CA5A: variants seen among roughly 807,000 people sequenced by gnomAD.
The protein encoded by CA5A is carbonic anhydrase 5A, mitochondrial.
In CA5A, 28 loss-of-function variants were observed where a neutral mutation model predicts 37.1. The ratio of observed to expected loss-of-function variants is 0.75; its 90% CI spans 0.56 to 1.03. The LOEUF (loss-of-function observed/expected upper bound fraction) is 1.03. Ranked by LOEUF, CA5A falls within the 50% of genes least tolerant of loss-of-function variation. The pLI, the probability that CA5A is intolerant of heterozygous loss-of-function variation, is 0.00. For synonymous variants in CA5A, 171 were observed against 158.4 expected, an observed-to-expected ratio of 1.08 and a Z score of -0.60; for missense variants, 444 against 399.9, an observed-to-expected ratio of 1.11 and a Z score of -0.94.
At chr16:87,908,389 G>A (rs184565636) in intron 2 of CA5A, among the ~76,000 whole-genome samples, 50 of 152,286 alleles carry the variant, frequency 3.3e-4, no homozygotes, top group East Asian at 5.8e-4. Flanking sequence ...TGGTGATTGC[G>A]CATCGCACAC....
chr16:87,895,253 A>G (rs1485830408), intron 5 of CA5A, among the ~76,000 whole-genome samples: 4 of 151,052 alleles, frequency 2.6e-5, no homozygotes, highest in Admixed American at 1.3e-4. Context: ...CTTTCTTAAA[A>G]TAAGTAAATA....
intron 6 of CA5A, among the ~76,000 whole-genome samples, chr16:87,891,593 A>G (rs1164819509): frequency 6.6e-6 from 1 of 152,190 alleles, no homozygotes; most frequent in South Asian, 2.1e-4. Context: ...TGCTCAGGAC[A>G]TGCTTGCTGT....
At chr16:87,912,432 A>G (rs932734702) in intron 2 of CA5A, among the ~76,000 whole-genome samples, 2 of 152,244 alleles carry the variant, frequency 1.3e-5, no homozygotes, top group African/African-American at 4.8e-5. Flanking sequence ...CTGCACGTAA[A>G]GACGTCGAAA....
intron 1 of CA5A, among the ~76,000 whole-genome samples, chr16:87,930,140 T>C (rs1169653847): frequency 6.6e-6 from 1 of 152,148 alleles, no homozygotes; most frequent in Non-Finnish European, 1.5e-5. Context: ...CTGCTGTCTG[T>C]CTCATAACCA....
At chr16:87,930,203 G>C (rs762595526) in intron 1 of CA5A, among the ~76,000 whole-genome samples, 14 of 152,082 alleles carry the variant, frequency 9.2e-5, no homozygotes, top group African/African-American at 3.4e-4. Context: ...CCCGTGCTCC[G>C]ACAGCATCTG....
intron 1 of CA5A, among the ~76,000 whole-genome samples, chr16:87,931,873 C>G (rs2056410883): frequency 6.6e-6 from 1 of 152,040 alleles, no homozygotes; most frequent in Non-Finnish European, 1.5e-5. Flanking sequence ...GTCTGTGTGT[C>G]CTTTGTCCCA....
At chr16:87,913,305 C>CTTTTA (rs2056079126) in intron 2 of CA5A, among the ~76,000 whole-genome samples, 1 of 133,316 alleles carries the variant, frequency 7.5e-6, no homozygotes, top group Non-Finnish European at 1.5e-5. Flanking sequence ...ATGTTCCAGT[C>CTTTTA]TTTTTTTTTT....
intron 2 of CA5A, chr16:87,923,522 C>G: frequency 1.0e-6 from 1 of 984,194 alleles, no homozygotes; most frequent in African/African-American, 1.7e-5. Flanking sequence ...GTCCACATAC[C>G]TTCCTCCTTC....
intron 5 of CA5A, chr16:87,892,887 C>A (rs1300220958): frequency 4.5e-6 from 2 of 448,234 alleles, no homozygotes; most frequent in Non-Finnish European, 8.0e-6. Flanking sequence ...AACTCCTGAC[C>A]TCGGATGATC....
intron 2 of CA5A, among the ~76,000 whole-genome samples, chr16:87,920,644 A>C (rs1478213018): frequency 1.4e-5 from 2 of 146,256 alleles, no homozygotes; most frequent in Non-Finnish European, 3.0e-5. Context: ...TTGAAACTAA[A>C]TCTCACTTTG....
intron 2 of CA5A, among the ~76,000 whole-genome samples, chr16:87,907,520 C>T (rs569492290): frequency 4.6e-5 from 7 of 152,210 alleles, no homozygotes; most frequent in South Asian, 2.1e-4. Flanking sequence ...ATAGAAATGC[C>T]TAGAAGGCAG....
chr16:87,908,940 C>T (rs2074845413), intron 2 of CA5A, among the ~76,000 whole-genome samples: 1 of 152,056 alleles, frequency 6.6e-6, no homozygotes, highest in South Asian at 2.1e-4. Context: ...CTCACTGCCT[C>T]AGCCTCCCAA....
chr16:87,898,316 G>C (rs2055831341), intron 5 of CA5A, among the ~76,000 whole-genome samples: 1 of 152,238 alleles, frequency 6.6e-6, no homozygotes, highest in Admixed American at 6.5e-5. Flanking sequence ...GTCCGCGGGG[G>C]AGTGGCAGAG....
rs1205600025 is a variant in CA5A, at chr16:87,926,920, G to A, written c.168C>T (p.Val56=). Residue 56 remains valine (V), a synonymous_variant, in exon 2 of 7, where the codon GTC becomes GTT. Coordinates refer to ENST00000649794, the MANE Select transcript of CA5A (RefSeq NM_001739.2). ...NTLHPLWTVP[V]SVPGGTRQSP... ...ACTGCCGGGTGCCCCCTGGCACGGAGACCGGGACCGTCCAGAGTGGGTGCA... is the reference window on the plus strand; with the variant it reads ...ACTGCCGGGTGCCCCCTGGCACGGAAACCGGGACCGTCCAGAGTGGGTGCA... 1.9e-6 allele frequency: 3 copies of A among 1,591,580 alleles called. No homozygotes were observed. Among genetic ancestry groups the A allele is most frequent in the Non-Finnish European group, 2.6e-6 (3 of 1,167,872 alleles).
At chr16:87,909,019 G>T (rs1301899873) in intron 2 of CA5A, among the ~76,000 whole-genome samples, 1 of 145,460 alleles carries the variant, frequency 6.9e-6, no homozygotes, top group African/African-American at 2.7e-5. Context: ...TTTTAGTAGA[G>T]ACGGGGTTTC....
Sources: gnomAD v4.1 joint callset for allele counts (sites outside exome capture counted in the v4.1 genomes callset) on GRCh38, gnomAD v4.1.1 for gene constraint, MANE v1.5 for transcripts, NCBI Gene and HGNC (gene_info 2026-07-23, HGNC 2026-07-21) for gene names.